The following SEMA6D variants were observed in gnomAD, a reference collection of about 807,000 sequenced individuals.
The protein encoded by SEMA6D is semaphorin-6D.
In SEMA6D, 35 loss-of-function variants were observed where a neutral mutation model predicts 106.6. The observed-to-expected ratio is 0.33, with a 90% CI of 0.25 to 0.44. The LOEUF is 0.44. SEMA6D is among the 20% of genes least tolerant of loss of function. SEMA6D has a pLI of 1.00. For synonymous variants in SEMA6D, 499 were observed against 487.7 expected, an observed-to-expected ratio of 1.02 and a Z score of -0.31; for missense variants, 1,185 against 1,345.9, an observed-to-expected ratio of 0.88 and a Z score of 1.87.
chr15:47,412,600 C>A (rs193098423), intron 2 of SEMA6D: 1 of 152,222 alleles, frequency 6.6e-6, no homozygotes. Context: ...GCTCGCAAAA[C>A]CATAGCAAAC....
intron 3 of SEMA6D, among the ~76,000 whole-genome samples, chr15:47,553,597 G>A (rs1051840272): frequency 6.6e-6 from 1 of 152,128 alleles, no homozygotes; most frequent in African/African-American, 2.4e-5. Context: ...GGGCTAAAAA[G>A]ACTTTAAAAT....
intron 1 of SEMA6D, among the ~76,000 whole-genome samples, chr15:47,230,769 G>C (rs938671882): frequency 6.6e-6 from 1 of 152,006 alleles, no homozygotes; most frequent in Non-Finnish European, 1.5e-5. Context: ...CACTAGGGGT[G>C]AGGCCAACAA....
chr15:47,209,597 G>C (rs771371859), intron 1 of SEMA6D, among the ~76,000 whole-genome samples: 2 of 152,162 alleles, frequency 1.3e-5, no homozygotes, highest in Non-Finnish European at 2.9e-5. Flanking sequence ...TCAGTTCAGA[G>C]ATCTCAAGAG....
chr15:47,765,125 A>G, intron 13 of SEMA6D, 69 bp downstream of exon 13: 1 of 1,569,784 alleles, frequency 6.4e-7, no homozygotes. Flanking sequence ...TCATCTAGTC[A>G]TGTCCTTTTG....
chr15:47,743,310 T>C (rs1026458578), intron 1 of SEMA6D, among the ~76,000 whole-genome samples: 7 of 152,244 alleles, frequency 4.6e-5, no homozygotes, highest in African/African-American at 1.7e-4. Context: ...TGTTCATTAC[T>C]GGTGATCGTG....
At chr15:47,259,752 T>C (rs1051896003) in intron 1 of SEMA6D, among the ~76,000 whole-genome samples, 4 of 152,232 alleles carry the variant, frequency 2.6e-5, no homozygotes, top group African/African-American at 9.6e-5. Flanking sequence ...AGCTGCAATA[T>C]GTGCAAATAT....
intron 1 of SEMA6D, among the ~76,000 whole-genome samples, chr15:47,369,778 G>C (rs1030799257): frequency 2.6e-5 from 4 of 152,156 alleles, no homozygotes; most frequent in Non-Finnish European, 4.4e-5. Context: ...CCATGATCCT[G>C]ACTAGATAAT....
chr15:47,502,428 G>C (rs192900657), intron 3 of SEMA6D, among the ~76,000 whole-genome samples: 137 of 152,268 alleles, frequency 9.0e-4, no homozygotes, highest in African/African-American at 3.2e-3. Context: ...CTGTTGTTTT[G>C]TTTTGGTCCT....
At chr15:47,348,722 A>ACACACACACACCC (rs1567016690) in intron 1 of SEMA6D, among the ~76,000 whole-genome samples, 2 of 36,982 alleles carry the variant, frequency 5.4e-5, no homozygotes, top group African/African-American at 1.5e-4. Context: ...CACACACCAC[A>ACACACACACACCC]CACACAGAGA....
At chr15:47,338,668 A>G (rs2037675179) in intron 1 of SEMA6D, among the ~76,000 whole-genome samples, 2 of 152,318 alleles carry the variant, frequency 1.3e-5, no homozygotes, top group South Asian at 4.1e-4. Context: ...AGGTTCTAGT[A>G]ATGTGGCAGC....
At chr15:47,745,358 G>A (rs1274335983) in intron 1 of SEMA6D, among the ~76,000 whole-genome samples, 1 of 152,196 alleles carries the variant, frequency 6.6e-6, no homozygotes, top group Non-Finnish European at 1.5e-5. Flanking sequence ...GGACCAAGTG[G>A]TGAACTAGCT....
intron 3 of SEMA6D, among the ~76,000 whole-genome samples, chr15:47,591,780 C>T (rs1426375359): frequency 6.6e-6 from 1 of 152,084 alleles, no homozygotes; most frequent in Non-Finnish European, 1.5e-5. Context: ...ACAGCAGCTT[C>T]AGGATGTTGA....
chr15:47,542,912 T>G (rs1220798453), intron 3 of SEMA6D, among the ~76,000 whole-genome samples: 1 of 152,076 alleles, frequency 6.6e-6, no homozygotes, highest in Non-Finnish European at 1.5e-5. Context: ...AAATTAGATA[T>G]GAGGCTCAGG....
At chr15:47,682,144 T>C (rs2078367578) in intron 4 of SEMA6D, among the ~76,000 whole-genome samples, 1 of 151,756 alleles carries the variant, frequency 6.6e-6, no homozygotes, top group Admixed American at 6.6e-5. Context: ...GAGACAATGG[T>C]GCACAGCCTG....
intron 1 of SEMA6D, among the ~76,000 whole-genome samples, chr15:47,188,581 CCATGGGAGATTTAATT>C (rs1277453856): frequency 6.6e-6 from 1 of 151,896 alleles, no homozygotes; most frequent in Non-Finnish European, 1.5e-5. Flanking sequence ...AGCTCAGAGC[CCATGGGAGATTTAATT>C]TATTATCATA....
intron 1 of SEMA6D, among the ~76,000 whole-genome samples, chr15:47,339,615 T>C (rs2037727248): frequency 6.6e-6 from 1 of 152,106 alleles, no homozygotes; most frequent in Non-Finnish European, 1.5e-5. Flanking sequence ...AAGCCTGTAA[T>C]CCCAGCACTT....
chr15:47,626,510 A>G (rs1272641841), intron 4 of SEMA6D, among the ~76,000 whole-genome samples: 1 of 152,206 alleles, frequency 6.6e-6, no homozygotes, highest in African/African-American at 2.4e-5. Context: ...AACTGAGGAC[A>G]TTCCATGAAG....
chr15:47,360,481 T>A (rs2038762366), intron 1 of SEMA6D, among the ~76,000 whole-genome samples: 1 of 152,202 alleles, frequency 6.6e-6, no homozygotes, highest in Non-Finnish European at 1.5e-5. Context: ...TTTCAAATGC[T>A]CAGTCACCAC....
At chr15:47,224,090 T>C (rs1171408688) in intron 1 of SEMA6D, among the ~76,000 whole-genome samples, 5 of 151,820 alleles carry the variant, frequency 3.3e-5, no homozygotes. Context: ...CGCACCAGCA[T>C]GGCACATGTA....
Sources: gnomAD v4.1 joint callset for allele counts (sites outside exome capture counted in the v4.1 genomes callset) on GRCh38, gnomAD v4.1.1 for gene constraint, MANE v1.5 for transcripts, NCBI Gene and HGNC (gene_info 2026-07-23, HGNC 2026-07-21) for gene names.